Variants in C6orf136 observed in about 807,000 individuals in gnomAD.
The protein encoded by C6orf136 is uncharacterized protein C6orf136.
Under a neutral mutation model 44.0 loss-of-function variants are expected in C6orf136, and 29 were observed. The ratio of observed to expected loss-of-function variants is 0.66; its 90% CI spans 0.49 to 0.90. C6orf136 has a LOEUF of 0.90. Among genes scored for constraint, C6orf136 ranks in the 40% least tolerant of loss-of-function variants. The pLI, the probability that C6orf136 is intolerant of heterozygous loss-of-function variation, is 0.00. For synonymous variants in C6orf136, 293 were observed against 278.6 expected, an observed-to-expected ratio of 1.05 and a Z score of -0.52; for missense variants, 628 against 669.3, an observed-to-expected ratio of 0.94 and a Z score of 0.68.
Position 30,647,525 on chromosome 6 carries a change from G to T in C6orf136, c.294G>T (p.Leu98Phe). The change falls in exon 1 of 6, where the codon TTG (leucine) becomes TTT (phenylalanine). Residue 98 changes from leucine to phenylalanine, a missense_variant. This residue lies in a region of C6orf136 where 497 missense variants were observed against 469.2 expected (regional missense o/e 1.06). Coordinates refer to ENST00000651131, the MANE Select transcript of C6orf136 (RefSeq NM_001161376.2). The surrounding 1 kb of genome is among the most constrained non-coding windows in gnomAD (Gnocchi z 4.8). ...CRARTSVLPG[L>F]RAVRRGQGQA... ...CAAGGACGTCGGTCCTCCCAGGTTT[G>T]AGGGCGGTCAGGCGGGGTCAAGGCC... The T allele has an allele frequency of 1.3e-6, 2 of 1,518,210 alleles. No individual in the cohort carries two copies. The highest frequency in any genetic ancestry group is 1.8e-6 in the Non-Finnish European group (2 of 1,126,820). 94.0% of individuals were successfully genotyped at this position (1,518,210 alleles called of 1,614,324 possible).
chr6:30,650,888 G>C, intron 2 of C6orf136, 106 bp from the exon 3 acceptor site: 2 of 791,750 alleles, frequency 2.5e-6, no homozygotes, highest in South Asian at 3.2e-5. Context: ...CTCCAGCCTG[G>C]GCGACAGAGC....
chr6:30,650,072 A>G, intron 2 of C6orf136, 113 bp downstream of exon 2: 1 of 940,188 alleles, frequency 1.1e-6, no homozygotes, highest in Non-Finnish European at 1.6e-6. Context: ...CAGGCATAGA[A>G]ATATATTATA....
rs932212946 is a variant in C6orf136 at position 30,647,488 on chromosome 6, G to C, written c.257G>C (p.Arg86Pro). The change falls in exon 1 of 6, where the codon CGG becomes CCG. Residue 86 changes from arginine to proline, a missense_variant. By Grantham distance (103) the Arg-to-Pro change is moderately radical. This residue lies in a region of C6orf136 where 497 missense variants were observed against 469.2 expected (regional missense o/e 1.06). Transcript: ENST00000651131. This position sits in a 1 kb window ranked among gnomAD's most constrained non-coding sequence, Gnocchi z 4.8. ...GVAGAGGRRC[R>P]ACRARTSVLP... ...GCGGGAGCGGGAGGGAGGCGCTGCC[G>C]GGCCTGTCGCGCAAGGACGTCGGTC... 5 of 1,491,050 alleles carry C rather than the reference G, an allele frequency of 3.4e-6. No homozygotes were observed. The highest frequency in any genetic ancestry group is 1.7e-4 in the Middle Eastern group (1 of 5,738). 92.4% of individuals were successfully genotyped at this position (1,491,050 alleles called of 1,614,324 possible). A position where few individuals can be genotyped will look rare whatever the true frequency, so the allele number is the denominator to read the frequency against.
chr6:30,649,437 T>C lies in C6orf136; in HGVS notation c.616-121T>C, dbSNP rs575335271. 31 of 833,860 alleles carry C rather than the reference T, an allele frequency of 3.7e-5. No individual in the cohort carries two copies. In the African/African-American group the frequency reaches 4.6e-4, roughly 12 times the overall value. 51.7% of individuals were successfully genotyped at this position (833,860 alleles called of 1,614,324 possible). On this transcript the variant is annotated intron_variant, in intron 1 of 5. Coordinates refer to ENST00000651131, the MANE Select transcript of C6orf136 (RefSeq NM_001161376.2). ...AGATGAATCCATCCCTTTTTTCCTATAGTAATTCCATCCATTCTGTCAGGA... is the reference window on the plus strand; with the variant it reads ...AGATGAATCCATCCCTTTTTTCCTACAGTAATTCCATCCATTCTGTCAGGA...
Position 30,647,373 on chromosome 6 carries a change from G to T in C6orf136, c.142G>T (p.Ala48Ser). Residue 48 changes from alanine to serine, a missense_variant, in exon 1 of 6, where the codon GCG becomes TCG. Ala to Ser is a moderately conservative substitution (Grantham distance 99). Coordinates refer to ENST00000651131, the MANE Select transcript of C6orf136 (RefSeq NM_001161376.2). This position sits in a 1 kb window ranked among gnomAD's most constrained non-coding sequence, Gnocchi z 4.8. ...ERPSSKPVRG[A>S]ERALGSAQAQ... ...ACCCTCCTCAAAGCCGGTGCGTGGG[G>T]CGGAGCGCGCGCTGGGTTCCGCGCA... 6.7e-7 allele frequency: 1 copy of T among 1,501,048 alleles called. No homozygotes were observed. Among genetic ancestry groups the T allele is most frequent in the Non-Finnish European group, 8.9e-7 (1 of 1,127,458 alleles). 93.0% of individuals were successfully genotyped at this position (1,501,048 alleles called of 1,614,324 possible).
Position 30,652,809 on chromosome 6 carries a change from C to T in C6orf136, c.1385C>T (p.Pro462Leu), listed in dbSNP as rs775105867. ...ICRHRLDKLM[P>L]SHSPPTPVKK... ...TAACCTTTCTCCCTGCAGCTGATGC[C>T]TTCACACTCACCTCCAACGCCTGTG... Residue 462 changes from proline (P) to leucine (L), a missense_variant, in exon 6 of 6, where the codon CCT becomes CTT. This residue lies in a region of C6orf136 where 131 missense variants were observed against 200.1 expected (regional missense o/e 0.65). Coordinates refer to ENST00000651131, the MANE Select transcript of C6orf136 (RefSeq NM_001161376.2). The T allele has an allele frequency of 3.1e-6, 5 of 1,613,046 alleles. No homozygotes were observed. The highest frequency in any genetic ancestry group is 4.2e-6 in the Non-Finnish European group (5 of 1,180,008).
Position 30,647,866 on chromosome 6 carries a change from G to A in C6orf136, c.615+20G>A. 1 of 1,466,038 alleles carries A rather than the reference G, an allele frequency of 6.8e-7. No individual in the cohort carries two copies. The allele number at this position is 1,466,038 out of a possible 1,614,324, so 90.8% of individuals were successfully genotyped here. On this transcript the variant is annotated intron_variant, in intron 1 of 5. Transcript: ENST00000651131. This position sits in a 1 kb window ranked among gnomAD's most constrained non-coding sequence, Gnocchi z 4.8. ...ACCGAGGTACCCGAGCGGTCCGCCC[G>A]CCTTCCCTGCAGTGAGACGATCCCC...
At position 30,647,489 on chromosome 6, in the gene C6orf136, G is replaced by A; in HGVS notation, c.258G>A (p.Arg86=). The A allele has an allele frequency of 1.3e-6, 2 of 1,492,730 alleles. No individual in the cohort carries two copies. The highest frequency in any genetic ancestry group is 1.8e-6 in the Non-Finnish European group (2 of 1,114,512). 92.5% of individuals were successfully genotyped at this position (1,492,730 alleles called of 1,614,324 possible). A position where few individuals can be genotyped will look rare whatever the true frequency, so the allele number is the denominator to read the frequency against. Residue 86 remains arginine (R), a synonymous_variant, in exon 1 of 6, where the codon CGG becomes CGA. Transcript: ENST00000651131. This position sits in a 1 kb window ranked among gnomAD's most constrained non-coding sequence, Gnocchi z 4.8. ...GVAGAGGRRC[R]ACRARTSVLP... is the part of the protein sequence containing the mutation. ...CGGGAGCGGGAGGGAGGCGCTGCCG[G>A]GCCTGTCGCGCAAGGACGTCGGTCC...
At position 30,652,963 on chromosome 6, in the gene C6orf136, A is replaced by T. The variant is rs1207754960; in HGVS notation, c.*48A>T. 2 of 1,534,390 alleles carry T rather than the reference A, an allele frequency of 1.3e-6. No homozygotes were observed. The highest frequency in any genetic ancestry group is 1.8e-6 in the Non-Finnish European group (2 of 1,110,924). On this transcript the variant is annotated 3_prime_UTR_variant, in exon 6 of 6. Coordinates refer to ENST00000651131, the MANE Select transcript of C6orf136 (RefSeq NM_001161376.2). Reference sequence around the variant, plus strand: ...AGCACTGAAGACTGCTACGCCCAAGAGAAGGAGGTGGAGGCAGCCAAGAAT... The same window carrying T: ...AGCACTGAAGACTGCTACGCCCAAGTGAAGGAGGTGGAGGCAGCCAAGAAT...
Position 30,647,908 on chromosome 6 carries a change from A to G in C6orf136, c.615+62A>G, listed in dbSNP as rs988944707. On this transcript the variant is annotated intron_variant, in intron 1 of 5. Coordinates refer to ENST00000651131, the MANE Select transcript of C6orf136 (RefSeq NM_001161376.2). This position sits in a 1 kb window ranked among gnomAD's most constrained non-coding sequence, Gnocchi z 4.8. The stretch of plus-strand genomic sequence containing the variant: ...ACGATCCCCTGGGGGGTTCCTTGGG[A>G]GCGGAGGGACTCGGGTGAGGCCTAA... The G allele has an allele frequency of 6.8e-5, 97 of 1,423,992 alleles. No individual in the cohort carries two copies. Among genetic ancestry groups the G allele is most frequent in the Non-Finnish European group, 8.8e-5 (96 of 1,093,228 alleles). The allele number at this position is 1,423,992 out of a possible 1,614,324, so 88.2% of individuals were successfully genotyped here.
chr6:30,648,972 C>T (rs1767154314), intron 1 of C6orf136, among the ~76,000 whole-genome samples: 1 of 151,486 alleles, frequency 6.6e-6, no homozygotes, highest in Non-Finnish European at 1.5e-5. Context: ...CGCGCCAATG[C>T]ACTCCAGCCT....
chr6:30,652,371 T>C (rs1767514855), intron 4 of C6orf136, among the ~76,000 whole-genome samples: 1 of 152,060 alleles, frequency 6.6e-6, no homozygotes, highest in Non-Finnish European at 1.5e-5. Context: ...TCCCAATAAA[T>C]TGTTAGACTC....
At position 30,647,401 on chromosome 6, in the gene C6orf136, C is replaced by T. The variant is rs1766935759; in HGVS notation, c.170C>T (p.Ala57Val). 1 of 1,475,110 alleles carries T rather than the reference C, an allele frequency of 6.8e-7. No homozygotes were observed. Among genetic ancestry groups the T allele is most frequent in the Non-Finnish European group, 9.0e-7 (1 of 1,111,960 alleles). 91.4% of individuals were successfully genotyped at this position (1,475,110 alleles called of 1,614,324 possible). The change falls in exon 1 of 6, where the codon GCG becomes GTG. Residue 57 changes from alanine to valine, a missense_variant. Around this residue, in one of 2 missense-constraint regions of C6orf136, gnomAD observed 497 missense variants for 469.2 expected, o/e 1.06. Transcript: ENST00000651131. This position sits in a 1 kb window ranked among gnomAD's most constrained non-coding sequence, Gnocchi z 4.8. ...GAGCGCGCGCTGGGTTCCGCGCAGG[C>T]GCAGAGACACCCGCCGCCCCTTCCC... The part of the protein sequence containing the change: ...GAERALGSAQ[A>V]QRHPPPLPTC...
Position 30,647,164 on chromosome 6 carries a change from G to T in C6orf136, c.-68G>T. On this transcript the variant is annotated 5_prime_UTR_variant, in exon 1 of 6. Transcript: ENST00000651131. This position sits in a 1 kb window ranked among gnomAD's most constrained non-coding sequence, Gnocchi z 4.8. ...TCCCCTTCACGAAGCCGGCTCTGGG[G>T]CGCGCTCACCCCTGTGAGGAGGCCG... 1 of 1,414,436 alleles carries T rather than the reference G, an allele frequency of 7.1e-7. No homozygotes were observed. The highest frequency in any genetic ancestry group is 9.3e-7 in the Non-Finnish European group (1 of 1,075,352). The allele number at this position is 1,414,436 out of a possible 1,614,324, so 87.6% of individuals were successfully genotyped here. A position where few individuals can be genotyped will look rare whatever the true frequency, so the allele number is the denominator to read the frequency against.
chr6:30,653,072 T>C lies in C6orf136; in HGVS notation c.*157T>C, dbSNP rs1343772565. On this transcript the variant is annotated 3_prime_UTR_variant, in exon 6 of 6. Transcript: ENST00000651131. Reference sequence around the variant, plus strand: ...TGTAAAGCTGCTGTGTAATTTAACTTGTAAATAATAAAGTTTAACTGACTA... The same window carrying C: ...TGTAAAGCTGCTGTGTAATTTAACTCGTAAATAATAAAGTTTAACTGACTA... 9.3e-7 allele frequency: 1 copy of C among 1,080,930 alleles called. No homozygotes were observed. Among genetic ancestry groups the C allele is most frequent in the African/African-American group, 1.6e-5 (1 of 62,310 alleles). 67.0% of individuals were successfully genotyped at this position (1,080,930 alleles called of 1,614,324 possible). A position where few individuals can be genotyped will look rare whatever the true frequency, so the allele number is the denominator to read the frequency against.
rs762140543 is a variant in C6orf136 at position 30,649,944 on chromosome 6, G to A, written c.1002G>A (p.Glu334=). ...SMEEHLSVMY[E]RLRQELPKLF... Reference sequence around the variant, plus strand: ...AGGAACATCTGTCTGTCATGTATGAGAGACTGAGACAAGAGGTAAGTCAGT... The same window carrying A: ...AGGAACATCTGTCTGTCATGTATGAAAGACTGAGACAAGAGGTAAGTCAGT... Residue 334 remains glutamate (E), a synonymous_variant, in exon 2 of 6, where the codon GAG becomes GAA. Coordinates refer to ENST00000651131, the MANE Select transcript of C6orf136 (RefSeq NM_001161376.2). The A allele has an allele frequency of 3.1e-6, 5 of 1,613,388 alleles. No homozygotes were observed. In the Admixed American group the frequency reaches 8.3e-5, roughly 27 times the overall value.
chr6:30,648,399 CTTTT>C (rs57790985), intron 1 of C6orf136, among the ~76,000 whole-genome samples: 3 of 135,380 alleles, frequency 2.2e-5, no homozygotes, highest in East Asian at 4.3e-4. Context: ...GTGTTGGAAT[CTTTT>C]TTTTTTTTTT....
rs993963019 is a variant in C6orf136, at chr6:30,653,014, T to C, written c.*99T>C. ...CTCAGGAGCCAGCTTCCTCTCCTCG[T>C]TTCTCTCCTTCCTTCCTTTCCATCT... On this transcript the variant is annotated 3_prime_UTR_variant, in exon 6 of 6. Transcript: ENST00000651131. 1.5e-5 allele frequency: 18 copies of C among 1,199,274 alleles called. No homozygotes were observed. In the African/African-American group the frequency reaches 2.6e-4, roughly 17 times the overall value. The allele number at this position is 1,199,274 out of a possible 1,614,324, so 74.3% of individuals were successfully genotyped here.
intron 3 of C6orf136, 91 bp from the exon 4 acceptor site, chr6:30,651,175 T>C: frequency 6.4e-7 from 1 of 1,564,796 alleles, no homozygotes; most frequent in African/African-American, 1.4e-5. Flanking sequence ...GTTCCTAGAC[T>C]GCTTCTCACA....
Sources: gnomAD v4.1 joint callset for allele counts (sites outside exome capture counted in the v4.1 genomes callset) on GRCh38, gnomAD v4.1.1 for gene constraint, gnomAD v4.1.1 regional missense constraint, Gnocchi (gnomAD v3.1) non-coding constraint, MANE v1.5 for transcripts, NCBI Gene and HGNC (gene_info 2026-07-23, HGNC 2026-07-21) for gene names.